Variants in SKAP2 observed in about 807,000 individuals in gnomAD.
SKAP2 encodes the protein src kinase associated phosphoprotein 2.
SKAP2 carries 28 observed loss-of-function variants against 54.9 expected under a neutral mutation model. That is an observed-to-expected ratio of 0.51 (90% CI 0.38 to 0.70). The LOEUF (loss-of-function observed/expected upper bound fraction) is 0.70. Ranked by LOEUF, SKAP2 falls within the 30% of genes least tolerant of loss-of-function variation. The pLI, the probability that SKAP2 is intolerant of heterozygous loss-of-function variation, is 0.00. For missense variants in SKAP2, 356 were observed against 424.1 expected, an observed-to-expected ratio of 0.84 and a Z score of 1.41; for synonymous variants, 137 against 134.3, an observed-to-expected ratio of 1.02 and a Z score of -0.14.
At chr7:26,819,539 T>C (rs993586820) in intron 4 of SKAP2, among the ~76,000 whole-genome samples, 14 of 150,238 alleles carry the variant, frequency 9.3e-5, no homozygotes, top group Admixed American at 1.3e-4. Flanking sequence ...CTGCGCATTC[T>C]GCACATGTAT....
intron 10 of SKAP2, among the ~76,000 whole-genome samples, chr7:26,685,213 A>G (rs1350921433): frequency 6.6e-6 from 1 of 152,200 alleles, no homozygotes; most frequent in African/African-American, 2.4e-5. Context: ...ACACTTCACA[A>G]TGAGCAATAT....
intron 9 of SKAP2, among the ~76,000 whole-genome samples, chr7:26,721,415 TTTTAC>T (rs1237087714): frequency 2.6e-5 from 4 of 152,186 alleles, no homozygotes; most frequent in Non-Finnish European, 5.9e-5. Flanking sequence ...TATAGCTGCA[TTTTAC>T]TTTATGTTCT....
intron 4 of SKAP2, among the ~76,000 whole-genome samples, chr7:26,817,170 T>C (rs1784282226): frequency 6.6e-6 from 1 of 152,164 alleles, no homozygotes; most frequent in Admixed American, 6.6e-5. Flanking sequence ...TCTTTATATA[T>C]CTGGACTAAA....
At chr7:26,862,694 T>C (rs2128000025) in intron 1 of SKAP2, among the ~76,000 whole-genome samples, 1 of 152,210 alleles carries the variant, frequency 6.6e-6, no homozygotes, top group Non-Finnish European at 1.5e-5. Flanking sequence ...TTGTGATCTA[T>C]GGGGATAAGA....
chr7:26,766,354 G>A (rs1783054560), intron 4 of SKAP2, among the ~76,000 whole-genome samples: 1 of 152,220 alleles, frequency 6.6e-6, no homozygotes, highest in African/African-American at 2.4e-5. Flanking sequence ...TTGCTTATCA[G>A]CTTAAGGAGA....
At chr7:26,657,183 C>A in the SKAP2 span, among the ~76,000 whole-genome samples, 1 of 152,222 alleles carries the variant, frequency 6.6e-6, no homozygotes, top group Non-Finnish European at 1.5e-5. Flanking sequence ...TGCCACCCCA[C>A]TGCTTTGTGA....
chr7:26,836,900 C>A (rs143884282), intron 4 of SKAP2, among the ~76,000 whole-genome samples: 1,763 of 152,284 alleles, frequency 0.012, 38 homozygotes, highest in African/African-American at 0.041. Context: ...ATGTTTATCA[C>A]AGCACTGTTC....
In SKAP2 at chr7:26,667,228, C is replaced by T. The variant is rs1786120108; in HGVS notation, c.*2438G>A. 1 of 152,058 alleles carries T rather than the reference C, an allele frequency of 6.6e-6. No individual in the cohort carries two copies. Among genetic ancestry groups the T allele is most frequent in the Non-Finnish European group, 1.5e-5 (1 of 67,994 alleles). 9.4% of individuals were successfully genotyped at this position (152,058 alleles called of 1,614,324 possible). ...CAATCACCTTTGAAAAAAATTAGCT[C>T]TCTAACTGTTCACAGAAAAACAAAT... is the stretch of plus-strand genomic sequence containing the variant. On this transcript the variant is annotated 3_prime_UTR_variant, in exon 13 of 13. Coordinates refer to ENST00000345317, the MANE Select transcript of SKAP2 (RefSeq NM_003930.5).
At chr7:26,701,503 C>T (rs1220491940) in intron 9 of SKAP2, among the ~76,000 whole-genome samples, 1 of 152,102 alleles carries the variant, frequency 6.6e-6, no homozygotes, top group African/African-American at 2.4e-5. Context: ...GAGGCCAAGG[C>T]AGGTAGATCA....
chr7:26,669,523 A>G lies in SKAP2; in HGVS notation c.*143T>C, dbSNP rs1562569629. Reference sequence around the variant, plus strand: ...TTCACATCAGAGGAATATTTTAATGAGCGACTGCATAAAATAACAGTCAAA... The same window carrying G: ...TTCACATCAGAGGAATATTTTAATGGGCGACTGCATAAAATAACAGTCAAA... On this transcript the variant is annotated 3_prime_UTR_variant, in exon 13 of 13. Coordinates refer to ENST00000345317, the MANE Select transcript of SKAP2 (RefSeq NM_003930.5). The G allele has an allele frequency of 6.6e-6, 1 of 152,192 alleles. No homozygotes were observed. The highest frequency in any genetic ancestry group is 1.5e-5 in the Non-Finnish European group (1 of 68,038). The allele number at this position is 152,192 out of a possible 1,614,324, so 9.4% of individuals were successfully genotyped here.
At chr7:26,809,333 AACCCGGGAGGCAGAGG>A (rs1313493251) in intron 4 of SKAP2, among the ~76,000 whole-genome samples, 1 of 152,092 alleles carries the variant, frequency 6.6e-6, no homozygotes, top group East Asian at 1.9e-4. Context: ...GAATCATTTG[AACCCGGGAGGCAGAGG>A]TTGCAGTGAG....
chr7:26,788,504 A>G lies in SKAP2; in HGVS notation c.308-48540T>C, dbSNP rs190654540. On this transcript the variant is annotated intron_variant, in intron 4 of 12. Coordinates refer to ENST00000345317, the MANE Select transcript of SKAP2 (RefSeq NM_003930.5). Reference sequence around the variant, plus strand: ...ACATTACAAATTAAGAAATGTAAATATGTCATAAATTAAATAACCCAAAAC... The same window carrying G: ...ACATTACAAATTAAGAAATGTAAATGTGTCATAAATTAAATAACCCAAAAC... Among the ~76,000 whole-genome samples the G allele has an allele frequency of 7.9e-4, 120 of 152,326 alleles. 1 individual carries two copies. Among genetic ancestry groups the G allele is most frequent in the Admixed American group, 2.2e-3 (33 of 15,298 alleles).
At chr7:26,662,317 C>T (rs1197101076), downstream of SKAP2, among the ~76,000 whole-genome samples, 1 of 152,044 alleles carries the variant, frequency 6.6e-6, no homozygotes, top group Non-Finnish European at 1.5e-5. Context: ...TTGCGTTTCC[C>T]TCCCCGTTTA....
chr7:26,715,959 T>C (rs1428545022), intron 9 of SKAP2, among the ~76,000 whole-genome samples: 4 of 152,248 alleles, frequency 2.6e-5, no homozygotes, highest in Non-Finnish European at 5.9e-5. Flanking sequence ...TATTTTCAAC[T>C]ACCTTTTCAG....
intron 9 of SKAP2, among the ~76,000 whole-genome samples, chr7:26,705,386 A>G (rs894158127): frequency 2.6e-5 from 4 of 152,188 alleles, no homozygotes; most frequent in Non-Finnish European, 5.9e-5. Flanking sequence ...GGATCATTCA[A>G]TGTTTATTGT....
At chr7:26,791,709 C>A (rs1186948273) in intron 4 of SKAP2, among the ~76,000 whole-genome samples, 1 of 152,030 alleles carries the variant, frequency 6.6e-6, no homozygotes, top group Non-Finnish European at 1.5e-5. Context: ...AAGAAAGGGA[C>A]AATACAAATG....
chr7:26,797,764 C>CA (rs1215188826), intron 4 of SKAP2, among the ~76,000 whole-genome samples: 9 of 151,890 alleles, frequency 5.9e-5, no homozygotes, highest in Non-Finnish European at 1.2e-4. Flanking sequence ...TGAAAACACT[C>CA]AAAGAAATTC....
the SKAP2 span, among the ~76,000 whole-genome samples, chr7:26,658,157 A>C: frequency 3.3e-5 from 5 of 152,168 alleles, no homozygotes; most frequent in Non-Finnish European, 7.4e-5. Flanking sequence ...CAAACATAGC[A>C]TTATTTTGAA....
At chr7:26,758,963 G>A (rs1584373402) in intron 4 of SKAP2, among the ~76,000 whole-genome samples, 1 of 152,110 alleles carries the variant, frequency 6.6e-6, no homozygotes, top group Non-Finnish European at 1.5e-5. Context: ...TAGAAAGCTG[G>A]CATTTATGAC....
Sources: allele counts gnomAD v4.1 joint callset (sites outside exome capture counted in the v4.1 genomes callset), GRCh38; gene constraint gnomAD v4.1.1; transcripts MANE v1.5; gene names NCBI Gene and HGNC (gene_info 2026-07-23, HGNC 2026-07-21).